Variants in EEA1 observed in about 807,000 individuals in gnomAD.
The protein encoded by EEA1 is early endosome antigen 1, also known as early endosome antigen 1, 162kD.
In EEA1, 111 loss-of-function variants were observed where a neutral mutation model predicts 209.2. The ratio of observed to expected loss-of-function variants is 0.53; its 90% confidence interval spans 0.45 to 0.62. EEA1 has a LOEUF of 0.62. Among genes scored for constraint, EEA1 ranks in the 20% least tolerant of loss-of-function variants. The probability of loss-of-function intolerance (pLI) is 0.00; values close to 1 mark genes in which losing one functional copy is unlikely to be tolerated. For missense variants in EEA1, 1,343 were observed against 1,530.8 expected (o/e 0.88, Z 2.05); for synonymous variants, 536 against 540.6 (o/e 0.99, Z 0.12).
In EEA1 at chr12:92,851,156, G is replaced by C. The variant is rs1452326956; in HGVS notation, c.753C>G (p.Leu251=). The C allele has an allele frequency of 6.2e-7, 1 of 1,613,582 alleles. No individual in the cohort carries two copies. The highest frequency in any genetic ancestry group is 8.5e-7 in the Non-Finnish European group (1 of 1,179,882). ...TLERERESEK[L]KDECKKLQSQ... is the part of the protein sequence containing the mutation. ...ACTGCAATTTTTTGCATTCATCTTTGAGTTTTTCAGATTCTCGCTCACGTT... is the reference window on the plus strand; with the variant it reads ...ACTGCAATTTTTTGCATTCATCTTTCAGTTTTTCAGATTCTCGCTCACGTT... The change falls in exon 9 of 29, where the codon CTC becomes CTG. Residue 251 remains leucine (L), a synonymous_variant. Transcript: ENST00000322349.
intron 20 of EEA1, among the ~76,000 whole-genome samples, chr12:92,799,569 G>T (rs1182557114): frequency 6.6e-6 from 1 of 151,596 alleles, no homozygotes; most frequent in Admixed American, 6.6e-5. Context: ...GGAGGATCAC[G>T]AGGTCAGGAG....
At chr12:92,921,313 G>A (rs1328412143) in intron 1 of EEA1, among the ~76,000 whole-genome samples, 20 of 131,676 alleles carry the variant, frequency 1.5e-4, no homozygotes, top group African/African-American at 4.8e-4. Flanking sequence ...TGTTTATTGC[G>A]GCACTATTCA....
intron 18 of EEA1, among the ~76,000 whole-genome samples, chr12:92,805,544 T>C (rs1297600260): frequency 6.6e-6 from 1 of 152,202 alleles, no homozygotes; most frequent in East Asian, 1.9e-4. Context: ...AGCAGGTGAT[T>C]TGATGTTTAA....
intron 10 of EEA1, among the ~76,000 whole-genome samples, chr12:92,839,685 GT>G (rs903448164): frequency 3.9e-5 from 6 of 152,028 alleles, no homozygotes; most frequent in African/African-American, 1.5e-4. Context: ...ATGAGTTAAT[GT>G]TTTTTAAATA....
At position 92,920,890 on chromosome 12, in the gene EEA1, C is replaced by A. The variant is rs1252306461; in HGVS notation, c.24+8153G>T. Among the ~76,000 whole-genome samples, 408 of 150,712 alleles carry A rather than the reference C, an allele frequency of 2.7e-3. 1 individual carries two copies. The highest frequency in any genetic ancestry group is 8.1e-3 in the African/African-American group (331 of 41,050). On this transcript the variant is annotated intron_variant, in intron 1 of 28. Coordinates refer to ENST00000322349, the MANE Select transcript of EEA1 (RefSeq NM_003566.4). ...TATCCAGAATCTACAATGAACTCAA[C>A]CAAATTTACAAGAAAAAAACAAACA... is the stretch of plus-strand genomic sequence containing the variant.
At chr12:92,826,388 A>G (rs1039904012) in intron 12 of EEA1, 103 bp from the exon 13 acceptor site, 6 of 1,032,888 alleles carry the variant, frequency 5.8e-6, no homozygotes, top group Non-Finnish European at 8.3e-6. Context: ...AGAACAAAAA[A>G]TTCAGGAATA....
At chr12:92,798,751 C>T (rs1874763323) in intron 21 of EEA1, 141 bp downstream of exon 21, 1 of 510,796 alleles carries the variant, frequency 2.0e-6, no homozygotes, top group African/African-American at 2.0e-5. Flanking sequence ...TAGTCAAATG[C>T]TTTCATATAT....
At position 92,923,220 on chromosome 12, in the gene EEA1, C is replaced by T. The variant is rs938499426; in HGVS notation, c.24+5823G>A. 1.1e-4 allele frequency among the ~76,000 whole-genome samples: 17 copies of T among 151,844 alleles called. No homozygotes were observed. In the East Asian group the frequency reaches 2.7e-3, roughly 24 times the overall value. On this transcript the variant is annotated intron_variant, in intron 1 of 28. Transcript: ENST00000322349. ...AAAATTAGCCAGGCACGGTGGTGGG[C>T]GCCTGTAGTCCCAGCTACTCGGGAG... is the stretch of plus-strand genomic sequence containing the variant.
intron 21 of EEA1, among the ~76,000 whole-genome samples, chr12:92,794,569 A>G (rs970380193): frequency 1.3e-5 from 2 of 152,190 alleles, no homozygotes; most frequent in Non-Finnish European, 2.9e-5. Context: ...GGATGAGTTC[A>G]TGTCCTTTTC....
At chr12:92,802,944 A>G (rs778552278) in intron 18 of EEA1, among the ~76,000 whole-genome samples, 3 of 152,062 alleles carry the variant, frequency 2.0e-5, no homozygotes, top group African/African-American at 4.8e-5. Context: ...TATTTTTCCC[A>G]AGTCAAATAA....
At chr12:92,885,443 A>G (rs1490118143) in intron 2 of EEA1, among the ~76,000 whole-genome samples, 2 of 152,246 alleles carry the variant, frequency 1.3e-5, no homozygotes, top group Non-Finnish European at 2.9e-5. Context: ...AGACAGAGAC[A>G]GAGACCAACC....
chr12:92,894,551 T>C (rs1044825759), intron 1 of EEA1, among the ~76,000 whole-genome samples: 1 of 152,096 alleles, frequency 6.6e-6, no homozygotes, highest in African/African-American at 2.4e-5. Flanking sequence ...GCTGAGAATG[T>C]TTTAGTGACA....
At chr12:92,909,322 A>T (rs986808830) in intron 1 of EEA1, among the ~76,000 whole-genome samples, 24 of 152,196 alleles carry the variant, frequency 1.6e-4, no homozygotes, top group Admixed American at 1.3e-4. Context: ...AAAGCAAGGA[A>T]GCTTTTTGAA....
intron 1 of EEA1, among the ~76,000 whole-genome samples, chr12:92,902,632 T>G (rs1393899157): frequency 2.6e-5 from 4 of 151,168 alleles, no homozygotes; most frequent in Admixed American, 2.0e-4. Flanking sequence ...TCCAAGCTAC[T>G]CAGGACGCTG....
intron 2 of EEA1, among the ~76,000 whole-genome samples, chr12:92,866,191 CAAAAAAAAAAAAAAAA>C (rs11317190): frequency 5.7e-4 from 41 of 71,728 alleles, no homozygotes; most frequent in Admixed American, 1.9e-3. Context: ...GACTCCTTCT[CAAAAAAAAAAAAAAAA>C]AAAAAAAAGA....
intron 2 of EEA1, among the ~76,000 whole-genome samples, chr12:92,875,021 G>A (rs537988544): frequency 1.3e-5 from 2 of 152,186 alleles, no homozygotes; most frequent in South Asian, 2.1e-4. Context: ...AGTAATATAC[G>A]ATTTTTTAAA....
chr12:92,809,758 AGTT>A (rs1057212291), intron 17 of EEA1, among the ~76,000 whole-genome samples: 4 of 152,074 alleles, frequency 2.6e-5, no homozygotes, highest in African/African-American at 9.7e-5. Flanking sequence ...AAACATAAAT[AGTT>A]ATTATCTCAG....
At chr12:92,857,775 T>C (rs1877945878) in intron 3 of EEA1, among the ~76,000 whole-genome samples, 1 of 152,242 alleles carries the variant, frequency 6.6e-6, no homozygotes, top group African/African-American at 2.4e-5. Context: ...ATTAATTTAC[T>C]AACAATAAGC....
chr12:92,839,987 C>T (rs1877096675), intron 10 of EEA1, among the ~76,000 whole-genome samples: 1 of 152,202 alleles, frequency 6.6e-6, no homozygotes. Context: ...TTATAGTAAG[C>T]TGCTGGCCAG....
Sources: gnomAD v4.1 joint callset for allele counts (sites outside exome capture counted in the v4.1 genomes callset) on GRCh38, gnomAD v4.1.1 for gene constraint, MANE v1.5 for transcripts, NCBI Gene and HGNC (gene_info 2026-07-23, HGNC 2026-07-21) for gene names.